The following ZNF493 variants were observed in gnomAD, a reference collection of about 807,000 sequenced individuals.
ZNF493 encodes the protein zinc finger protein 493.
A neutral mutation model predicts 12.2 loss-of-function variants in ZNF493; 11 were observed. That is an observed-to-expected ratio of 0.90 (90% confidence interval 0.57 to 1.50). The LOEUF (loss-of-function observed/expected upper bound fraction) is 1.50, where lower values mean the gene tolerates loss of function less well. Ranked by LOEUF, ZNF493 falls within the 40% of genes most tolerant of loss-of-function variation. ZNF493 has a pLI of 0.00. For synonymous variants in ZNF493, 286 were observed against 302.6 expected, an observed-to-expected ratio of 0.95 and a Z score of 0.57; for missense variants, 950 against 906.6, an observed-to-expected ratio of 1.05 and a Z score of -0.61.
chr19:21,408,007 G>T (rs1339933557), intron 3 of ZNF493: 1 of 985,012 alleles, frequency 1.0e-6, no homozygotes, highest in Admixed American at 6.2e-5. Flanking sequence ...TGCCCTCTGG[G>T]TTTGTAGTGG....
chr19:21,397,863 A>G (rs1974197870), intron 1 of ZNF493: 1 of 154,612 alleles, frequency 6.5e-6, no homozygotes, highest in Non-Finnish European at 1.4e-5. Context: ...TGTGCGTTAA[A>G]GGTGAAAATT....
intron 3 of ZNF493, among the ~76,000 whole-genome samples, chr19:21,422,381 C>G (rs1330219077): frequency 7.4e-6 from 1 of 135,256 alleles, no homozygotes; most frequent in East Asian, 2.2e-4. Context: ...TTTTACTAGT[C>G]TTTTTTTTTT....
intron 3 of ZNF493, chr19:21,408,165 C>A: frequency 1.0e-6 from 1 of 956,786 alleles, no homozygotes; most frequent in Non-Finnish European, 1.2e-6. Flanking sequence ...CTCGCTCTGT[C>A]GCCTGGCTGG....
chr19:21,426,953 GT>G lies in ZNF493; in HGVS notation c.*1972del, dbSNP rs67108449. 32,433 of 166,850 alleles carry G rather than the reference GT, an allele frequency of 0.19. 3,403 individuals are homozygous for G. The highest frequency in any genetic ancestry group is 0.24 in the Non-Finnish European group (16,282 of 68,000). 10.3% of individuals were successfully genotyped at this position (166,850 alleles called of 1,614,324 possible). Reference sequence around the variant, plus strand: ...AATAACTATATTCGGATTATACTTTGTTTCTTGAAAAAATTACAGATTTTTT... The same window carrying G: ...AATAACTATATTCGGATTATACTTTGTTCTTGAAAAAATTACAGATTTTTT... On this transcript the variant is annotated 3_prime_UTR_variant, in exon 4 of 4. Transcript: ENST00000392288.
In ZNF493 at chr19:21,416,933, C is replaced by T. The variant is rs780336970; in HGVS notation, c.254-5980C>T. On this transcript the variant is annotated intron_variant, in intron 3 of 3. Coordinates refer to ENST00000392288, the MANE Select transcript of ZNF493 (RefSeq NM_001076678.3). ...CACAGACTGCTGTTGGGAACTTTAG[C>T]GGGGGTTCCCAAGGCAGAAGGCTCA... Among the ~76,000 whole-genome samples the T allele has an allele frequency of 1.4e-4, 21 of 152,250 alleles. 1 individual carries two copies. The South Asian group carries it at 3.9e-3, about 29-fold the overall frequency.
chr19:21,405,147 G>A lies in ZNF493; in HGVS notation c.49G>A (p.Asp17Asn), dbSNP rs1199613656. ...GTTTCAGGGGCCGTTGACATTTAGG[G>A]ATGTGGCCATAGAATTCTCTCTGGA... is the stretch of plus-strand genomic sequence containing the variant. Reference protein sequence around the residue: ...SLDMGPLTFRDVAIEFSLEEW... With the variant: ...SLDMGPLTFRNVAIEFSLEEW... Residue 17 changes from aspartate to asparagine, a missense_variant, in exon 2 of 4, where the codon GAT becomes AAT. By Grantham distance (23) the Asp-to-Asn change is conservative (BLOSUM62 1). Coordinates refer to ENST00000392288, the MANE Select transcript of ZNF493 (RefSeq NM_001076678.3). 3 of 1,613,764 alleles carry A rather than the reference G, an allele frequency of 1.9e-6. No individual in the cohort carries two copies. The African/African-American group carries it at 4.0e-5, about 22-fold the overall frequency.
chr19:21,405,685 C>G, intron 2 of ZNF493, 76 bp from the exon 3 acceptor site: 1 of 1,257,912 alleles, frequency 7.9e-7, no homozygotes, highest in Admixed American at 2.3e-5. Context: ...ATTACATCCT[C>G]TTTACTAAGC....
At chr19:21,419,029 G>T (rs2030576530) in intron 3 of ZNF493, among the ~76,000 whole-genome samples, 1 of 152,190 alleles carries the variant, frequency 6.6e-6, no homozygotes, top group Admixed American at 6.5e-5. Context: ...TGTAAGCTCA[G>T]TGCTTTGCTG....
At chr19:21,420,344 GA>G (rs1284467757) in intron 3 of ZNF493, among the ~76,000 whole-genome samples, 1 of 151,184 alleles carries the variant, frequency 6.6e-6, no homozygotes, top group Non-Finnish European at 1.5e-5. Context: ...TATCTATATA[GA>G]TGTATTCTTT....
chr19:21,420,252 C>G (rs777516290), intron 3 of ZNF493, among the ~76,000 whole-genome samples: 1 of 151,928 alleles, frequency 6.6e-6, no homozygotes, highest in Non-Finnish European at 1.5e-5. Context: ...ATTCTTGTAT[C>G]TTTGTCCCAC....
At chr19:21,400,448 T>C (rs1026062442) in intron 1 of ZNF493, among the ~76,000 whole-genome samples, 1 of 152,100 alleles carries the variant, frequency 6.6e-6, no homozygotes, top group African/African-American at 2.4e-5. Context: ...TTTTTTCCCG[T>C]ATGTGAACAC....
At chr19:21,422,439 A>ATTTG (rs2030706729) in intron 3 of ZNF493, among the ~76,000 whole-genome samples, 1 of 98,586 alleles carries the variant, frequency 1.0e-5, no homozygotes, top group South Asian at 3.0e-4. Context: ...TTATTTATTT[A>ATTTG]TTTATTTATT....
intron 1 of ZNF493, among the ~76,000 whole-genome samples, chr19:21,402,189 G>A (rs750743655): frequency 2.6e-5 from 4 of 151,790 alleles, no homozygotes; most frequent in East Asian, 1.9e-4. Context: ...GGCTGGTCTC[G>A]ATCTCCTGAC....
intron 3 of ZNF493, chr19:21,408,512 C>G: frequency 1.0e-6 from 1 of 983,770 alleles, no homozygotes; most frequent in Non-Finnish European, 1.2e-6. Context: ...TGAAATTTTA[C>G]TGCCAATTTT....
chr19:21,405,967 TC>T (rs2074227512), intron 3 of ZNF493, 111 bp downstream of exon 3: 2 of 777,580 alleles, frequency 2.6e-6, no homozygotes, highest in South Asian at 5.4e-5. Flanking sequence ...ATGCCTGTAG[TC>T]CCAGGACTTT....
intron 3 of ZNF493, among the ~76,000 whole-genome samples, chr19:21,411,180 T>C (rs2030313581): frequency 6.6e-6 from 1 of 152,184 alleles, no homozygotes; most frequent in Non-Finnish European, 1.5e-5. Context: ...TTTTTAACAT[T>C]ATTTTTTGAG....
In ZNF493 at chr19:21,425,839, G is replaced by C. The variant is rs1034967675; in HGVS notation, c.*855G>C. ...ACTCCTAGTAAACATAATTAATGAT[G>C]GAGAGAAACCATACAACTGTGAAGA... On this transcript the variant is annotated 3_prime_UTR_variant, in exon 4 of 4. Coordinates refer to ENST00000392288, the MANE Select transcript of ZNF493 (RefSeq NM_001076678.3). The C allele has an allele frequency of 5.4e-5, 30 of 559,804 alleles. No individual in the cohort carries two copies. The highest frequency in any genetic ancestry group is 4.3e-4 in the South Asian group (30 of 70,514). The allele number at this position is 559,804 out of a possible 1,614,324, so 34.7% of individuals were successfully genotyped here.
chr19:21,410,058 G>GTATATATATATATATA (rs750161583), intron 3 of ZNF493, among the ~76,000 whole-genome samples: 2 of 139,910 alleles, frequency 1.4e-5, no homozygotes, highest in African/African-American at 5.3e-5. Flanking sequence ...ATTTCATTGT[G>GTATATATATATATATA]TGTATATATA....
At position 21,424,001 on chromosome 19, in the gene ZNF493, C is replaced by T; in HGVS notation, c.1342C>T (p.Leu448Phe). 6.2e-7 allele frequency: 1 copy of T among 1,613,370 alleles called. No individual in the cohort carries two copies. Among genetic ancestry groups the T allele is most frequent in the Non-Finnish European group, 8.5e-7 (1 of 1,179,734 alleles). ...CGKTFSVFSILTKHKIIHTEE... is the reference protein window; with the variant it reads ...CGKTFSVFSIFTKHKIIHTEE... ...CAAAACCTTTAGTGTATTCTCAATT[C>T]TTACTAAACATAAAATAATTCATAC... The change falls in exon 4 of 4, where the codon CTT (leucine) becomes TTT (phenylalanine). Residue 448 changes from leucine to phenylalanine, a missense_variant. By Grantham distance (22) the Leu-to-Phe change is conservative (BLOSUM62 0). Coordinates refer to ENST00000392288, the MANE Select transcript of ZNF493 (RefSeq NM_001076678.3).
Sources: gnomAD v4.1 joint callset for allele counts (sites outside exome capture counted in the v4.1 genomes callset) on GRCh38, gnomAD v4.1.1 for gene constraint, MANE v1.5 for transcripts, NCBI Gene and HGNC (gene_info 2026-07-23, HGNC 2026-07-21) for gene names.